The following NBPF9 variants were observed in gnomAD, a reference collection of about 807,000 sequenced individuals.
NBPF9 encodes NBPF member 9, also known as NBPF family member NBPF9.
Under a neutral mutation model 97.8 loss-of-function variants are expected in NBPF9, and 91 were observed. That is an observed-to-expected ratio of 0.93 (90% confidence interval 0.79 to 1.11). The LOEUF is 1.11. Ranked by LOEUF, NBPF9 falls within the 50% of genes least tolerant of loss-of-function variation. NBPF9 has a pLI of 0.00. For synonymous variants in NBPF9, 334 were observed against 359.5 expected (o/e 0.93, Z 0.80); for missense variants, 992 against 939.5 (o/e 1.06, Z -0.73).
At chr1:149,077,734 G>T in intron 10 of NBPF9, 149 bp downstream of exon 10, 1 of 950,648 alleles carries the variant, frequency 1.1e-6, no homozygotes, top group Non-Finnish European at 1.7e-6. Flanking sequence ...GACAGCTGCC[G>T]CACCCTGTGT....
Position 149,074,628 on chromosome 1 carries a change from A to C in NBPF9, c.989-758T>G, listed in dbSNP as rs1454102191. ...AACTGAGGGACAGACAAGACAAGCA[A>C]CTTGGATGGAGCCCAGGAGACAGGC... On this transcript the variant is annotated intron_variant, in intron 12 of 29. Coordinates refer to ENST00000584027, the Ensembl canonical transcript of NBPF9. Among the ~76,000 whole-genome samples, 21 of 151,166 alleles carry C rather than the reference A, an allele frequency of 1.4e-4. 1 individual carries two copies. Among genetic ancestry groups the C allele is most frequent in the East Asian group, 1.4e-3 (7 of 5,164 alleles).
chr1:149,100,933 G>GAA (rs4067399), intron 3 of NBPF9, among the ~76,000 whole-genome samples: 2 of 131,768 alleles, frequency 1.5e-5, no homozygotes, highest in East Asian at 2.3e-4. Context: ...GGCCCTGTCT[G>GAA]AAAAAAAAAA....
At chr1:149,093,184 C>T (rs1460204043) in intron 4 of NBPF9, among the ~76,000 whole-genome samples, 1 of 151,538 alleles carries the variant, frequency 6.6e-6, no homozygotes, top group Non-Finnish European at 1.5e-5. Flanking sequence ...GAAAAAAGTG[C>T]TGTGCTTTTG....
chr1:149,063,936 A>G, intron 19 of NBPF9, 131 bp from the exon 20 acceptor site: 1 of 676,938 alleles, frequency 1.5e-6, no homozygotes, highest in Non-Finnish European at 2.7e-6. Flanking sequence ...GAGGTAACAA[A>G]TTATTGCCTT....
intron 20 of NBPF9, among the ~76,000 whole-genome samples, chr1:149,063,380 A>T (rs1257783564): frequency 7.4e-6 from 1 of 135,236 alleles, no homozygotes; most frequent in Non-Finnish European, 1.6e-5. Flanking sequence ...ACATCTGCCC[A>T]GGTCCAATGT....
rs2078443119 is a variant in NBPF9, at chr1:149,059,260, C to A, written c.2586-163G>T. 1.3e-5 allele frequency: 6 copies of A among 465,466 alleles called. 2 individuals carry two copies. The highest frequency in any genetic ancestry group is 3.4e-5 in the Admixed American group (1 of 29,362). The allele number at this position is 465,466 out of a possible 1,614,324, so 28.8% of individuals were successfully genotyped here. On this transcript the variant is annotated intron_variant, in intron 25 of 29. Transcript: ENST00000584027. ...CCTTTAGGTTGGGATAGACCAGGGC[C>A]AGGTAGAAAAGAATGAAAGAGAAAG... is the stretch of plus-strand genomic sequence containing the variant.
At chr1:149,082,957 C>CTTTTTTTTTTTTGTT (rs2080629637) in intron 5 of NBPF9, among the ~76,000 whole-genome samples, 1 of 66,470 alleles carries the variant, frequency 1.5e-5, no homozygotes, top group Non-Finnish European at 2.6e-5. Flanking sequence ...TTTTTCTTTT[C>CTTTTTTTTTTTTGTT]TTTTTTTTTT....
At chr1:149,062,970 C>G in intron 20 of NBPF9, 57 bp from the exon 21 acceptor site, 1 of 748,086 alleles carries the variant, frequency 1.3e-6, no homozygotes, top group Non-Finnish European at 2.4e-6. Context: ...ACACACATAA[C>G]AATCCACTGT....
At chr1:149,075,231 T>C (rs2079755001) in intron 12 of NBPF9, among the ~76,000 whole-genome samples, 1 of 151,888 alleles carries the variant, frequency 6.6e-6, no homozygotes, top group Non-Finnish European at 1.5e-5. Context: ...TCAGAGTCAC[T>C]AGAACAGAGC....
At chr1:149,079,540 A>G (rs1307426278) in intron 8 of NBPF9, among the ~76,000 whole-genome samples, 1 of 149,644 alleles carries the variant, frequency 6.7e-6, no homozygotes, top group Admixed American at 6.7e-5. Flanking sequence ...GGACATTTCC[A>G]TGTGAAAATA....
rs587717425 is a variant in NBPF9 at position 149,062,834 on chromosome 1, T to A, written c.2078+28A>T. On this transcript the variant is annotated intron_variant, in intron 21 of 29. Transcript: ENST00000584027. ...GGCATCTCCAGGTGTCAACACAGAA[T>A]TAAGCATCCATAATTGCTCAAAGTT... is the stretch of plus-strand genomic sequence containing the variant. 1.1e-4 allele frequency: 76 copies of A among 669,322 alleles called. No individual in the cohort carries two copies. The East Asian group carries it at 2.0e-3, about 17-fold the overall frequency. 41.5% of individuals were successfully genotyped at this position (669,322 alleles called of 1,614,324 possible).
At chr1:149,068,181 T>C (rs1575833152) in intron 17 of NBPF9, among the ~76,000 whole-genome samples, 1 of 148,976 alleles carries the variant, frequency 6.7e-6, no homozygotes, top group South Asian at 2.1e-4. Flanking sequence ...CATGCCAAAC[T>C]CTAAAGACCA....
chr1:149,076,437 T>C (rs2079876035), intron 11 of NBPF9, among the ~76,000 whole-genome samples: 1 of 151,110 alleles, frequency 6.6e-6, no homozygotes, highest in Non-Finnish European at 1.5e-5. Flanking sequence ...GCTCAGGTGT[T>C]CCGCCCACCT....
intron 10 of NBPF9, among the ~76,000 whole-genome samples, 179 bp downstream of exon 10, chr1:149,077,704 T>A (rs587755508): frequency 6.6e-6 from 1 of 152,030 alleles, no homozygotes; most frequent in African/African-American, 2.4e-5. Context: ...ACATGACACT[T>A]GGCACACATA....
chr1:149,063,472 G>T (rs201297410), intron 20 of NBPF9, among the ~76,000 whole-genome samples, 161 bp downstream of exon 20: 4,857 of 145,328 alleles, frequency 0.033, 228 homozygotes, highest in Non-Finnish European at 0.051. Flanking sequence ...CCTTGTCTGG[G>T]CTTCCAAGTG....
rs367670508 is a variant in NBPF9 at position 149,055,800 on chromosome 1, G to A, written c.3192C>T (p.Asp1064=). The stretch of plus-strand genomic sequence containing the variant: ...ACACACTTCTGTAGTGCTGGAATGA[G>A]TCAGGTAGTTCAAAGTACATTGACG... Residue 1064 remains aspartate (D), a synonymous_variant, in exon 30 of 30, where the codon GAC becomes GAT. Coordinates refer to ENST00000584027, the Ensembl canonical transcript of NBPF9. 6 of 1,611,036 alleles carry A rather than the reference G, an allele frequency of 3.7e-6. No individual in the cohort carries two copies. In the Admixed American group the frequency reaches 5.0e-5, roughly 13 times the overall value.
chr1:149,098,435 T>TA lies in NBPF9; in HGVS notation c.-337+2dup, dbSNP rs2081934636. On this transcript the variant is annotated splice_region_variant and intron_variant, in intron 4 of 29. Coordinates refer to ENST00000584027, the Ensembl canonical transcript of NBPF9. ...CGAGCTGGCAATGCCTCAGGGTTTT[T>TA]ACCTGTGGGATCTGGCAGCTCTTCA... 3 of 1,432,024 alleles carry TA rather than the reference T, an allele frequency of 2.1e-6. No homozygotes were observed. In the South Asian group the frequency reaches 4.3e-5, roughly 20 times the overall value. 88.7% of individuals were successfully genotyped at this position (1,432,024 alleles called of 1,614,324 possible).
intron 11 of NBPF9, among the ~76,000 whole-genome samples, chr1:149,076,376 T>C (rs1245983160): frequency 2.6e-5 from 4 of 151,188 alleles, no homozygotes; most frequent in African/African-American, 4.8e-5. Flanking sequence ...TTTGTATTTT[T>C]AGTAGAGATG....
chr1:149,054,127 A>G (rs544642), exon 30 of NBPF9: 33 of 149,382 alleles, frequency 2.2e-4, no homozygotes, highest in Middle Eastern at 3.4e-3. Context: ...AAACAATCCA[A>G]AAGTCCAGAG....
Sources: gnomAD v4.1 joint callset for allele counts (sites outside exome capture counted in the v4.1 genomes callset) on GRCh38, gnomAD v4.1.1 for gene constraint, MANE v1.5 for transcripts, NCBI Gene and HGNC (gene_info 2026-07-23, HGNC 2026-07-21) for gene names.